Variants in APOL6 observed in about 807,000 individuals in gnomAD.
APOL6 encodes the protein apolipoprotein L, 6.
APOL6 carries 1 observed loss-of-function variant against 2.4 expected under a neutral mutation model. That is an observed-to-expected ratio of 0.41 (90% confidence interval 0.15 to 1.94). The LOEUF is 1.94. Ranked by LOEUF, APOL6 falls within the 30% of genes most tolerant of loss-of-function variation. The probability of loss-of-function intolerance (pLI) is 0.30; values close to 1 mark genes in which losing one functional copy is unlikely to be tolerated. For synonymous variants in APOL6, 189 were observed against 169.3 expected (o/e 1.12, Z -0.90); for missense variants, 438 against 429.2 (o/e 1.02, Z -0.18).
In APOL6 at chr22:35,665,192, AAG is replaced by A. The variant is rs1925142138; in HGVS notation, c.*5599_*5600del. On this transcript the variant is annotated 3_prime_UTR_variant, in exon 3 of 3. Coordinates refer to ENST00000409652, the MANE Select transcript of APOL6 (RefSeq NM_030641.4). The stretch of plus-strand genomic sequence containing the variant: ...TAAGTTTTGGTTTGCTTAGGGAAGA[AAG>A]AGCTAATTTTTAAAAAATCAAGGTT... 1.3e-5 allele frequency: 2 copies of A among 152,150 alleles called. No individual in the cohort carries two copies. Among genetic ancestry groups the A allele is most frequent in the East Asian group, 1.9e-4 (1 of 5,196 alleles). The allele number at this position is 152,150 out of a possible 1,614,324, so 9.4% of individuals were successfully genotyped here.
In APOL6 at chr22:35,659,290, C is replaced by A; in HGVS notation, c.726C>A (p.Ala242=). Residue 242 remains alanine (A), a synonymous_variant, in exon 3 of 3, where the codon GCC becomes GCA. Coordinates refer to ENST00000409652, the MANE Select transcript of APOL6 (RefSeq NM_030641.4). ...GCGTGCTGGGAGGTGTGATGTCCGCCTTCTCCCTTGGCTATGACTTGGCCA... is the reference window on the plus strand; with the variant it reads ...GCGTGCTGGGAGGTGTGATGTCCGCATTCTCCCTTGGCTATGACTTGGCCA... ...NARVLGGVMS[A]FSLGYDLATL... is the part of the protein sequence containing the mutation. 1 of 1,614,174 alleles carries A rather than the reference C, an allele frequency of 6.2e-7. No homozygotes were observed. Among genetic ancestry groups the A allele is most frequent in the South Asian group, 1.1e-5 (1 of 91,086 alleles).
At position 35,663,046 on chromosome 22, in the gene APOL6, C is replaced by T. The variant is rs918233213; in HGVS notation, c.*3450C>T. ...TTTTTATGGAGTTTCAGCTTTCTTC[C>T]AATGCACTTAGAGCACTCAGAAATT... On this transcript the variant is annotated 3_prime_UTR_variant, in exon 3 of 3. Transcript: ENST00000409652. The T allele has an allele frequency of 9.2e-5, 14 of 152,122 alleles. No homozygotes were observed. The East Asian group carries it at 1.7e-3, about 19-fold the overall frequency. The allele number at this position is 152,122 out of a possible 1,614,324, so 9.4% of individuals were successfully genotyped here. A position where few individuals can be genotyped will look rare whatever the true frequency, so the allele number is the denominator to read the frequency against.
intron 1 of APOL6, among the ~76,000 whole-genome samples, chr22:35,654,962 T>C (rs1924805005): frequency 6.6e-6 from 1 of 152,188 alleles, no homozygotes; most frequent in Non-Finnish European, 1.5e-5. Context: ...GGCCTGGAGA[T>C]GGTACCAGAG....
intron 1 of APOL6, among the ~76,000 whole-genome samples, chr22:35,652,657 A>C (rs1179189070): frequency 1.3e-5 from 2 of 152,062 alleles, no homozygotes; most frequent in East Asian, 3.9e-4. Flanking sequence ...ACAGGGAATC[A>C]TTTCCCCATT....
At chr22:35,657,762 T>A (rs1377617116) in intron 2 of APOL6, among the ~76,000 whole-genome samples, 1 of 152,172 alleles carries the variant, frequency 6.6e-6, no homozygotes, top group African/African-American at 2.4e-5. Context: ...CCTCCTCGGC[T>A]CACCCTGAAG....
chr22:35,653,539 A>G (rs1924755956), intron 1 of APOL6, among the ~76,000 whole-genome samples: 1 of 152,170 alleles, frequency 6.6e-6, no homozygotes, highest in African/African-American at 2.4e-5. Flanking sequence ...TGGGTTTGTC[A>G]TAGATAGCTC....
rs530734154 is a variant in APOL6, at chr22:35,663,730, A to T, written c.*4134A>T. The T allele has an allele frequency of 3.9e-5, 6 of 152,104 alleles. No individual in the cohort carries two copies. Among genetic ancestry groups the T allele is most frequent in the African/African-American group, 1.4e-4 (6 of 41,422 alleles). The allele number at this position is 152,104 out of a possible 1,614,324, so 9.4% of individuals were successfully genotyped here. ...TGTACCTTATCATGTAAATTTTGCTATTTGATTTTCACCTGGGTTGTTTCC... is the reference window on the plus strand; with the variant it reads ...TGTACCTTATCATGTAAATTTTGCTTTTTGATTTTCACCTGGGTTGTTTCC... On this transcript the variant is annotated 3_prime_UTR_variant, in exon 3 of 3. Transcript: ENST00000409652.
At position 35,659,278 on chromosome 22, in the gene APOL6, T is replaced by C. The variant is rs148322582; in HGVS notation, c.714T>C (p.Gly238=). 48 of 1,613,518 alleles carry C rather than the reference T, an allele frequency of 3.0e-5. No individual in the cohort carries two copies. Among genetic ancestry groups the C allele is most frequent in the Non-Finnish European group, 4.1e-5 (48 of 1,179,904 alleles). The part of the protein sequence containing the change: ...AMTKNARVLG[G]VMSAFSLGYD... Reference sequence around the variant, plus strand: ...CCAAAAATGCTCGCGTGCTGGGAGGTGTGATGTCCGCCTTCTCCCTTGGCT... The same window carrying C: ...CCAAAAATGCTCGCGTGCTGGGAGGCGTGATGTCCGCCTTCTCCCTTGGCT... The change falls in exon 3 of 3, where the codon GGT becomes GGC. Residue 238 remains glycine (G), a synonymous_variant. Transcript: ENST00000409652.
At position 35,662,654 on chromosome 22, in the gene APOL6, C is replaced by A. The variant is rs1016096175; in HGVS notation, c.*3058C>A. 3.6e-4 allele frequency: 55 copies of A among 152,236 alleles called. No homozygotes were observed. Among genetic ancestry groups the A allele is most frequent in the African/African-American group, 1.3e-3 (52 of 41,452 alleles). 9.4% of individuals were successfully genotyped at this position (152,236 alleles called of 1,614,324 possible). On this transcript the variant is annotated 3_prime_UTR_variant, in exon 3 of 3. Transcript: ENST00000409652. The stretch of plus-strand genomic sequence containing the variant: ...TCTTGGCCACATGTCATCAGGACTT[C>A]CTGAGTCTGTGTCACAGTGTGTCCT...
In APOL6 at chr22:35,658,702, T is replaced by A; in HGVS notation, c.138T>A (p.Phe46Leu). 1 of 1,614,122 alleles carries A rather than the reference T, an allele frequency of 6.2e-7. No individual in the cohort carries two copies. The highest frequency in any genetic ancestry group is 8.5e-7 in the Non-Finnish European group (1 of 1,180,026). Residue 46 changes from phenylalanine to leucine, a missense_variant, in exon 3 of 3, where the codon TTT becomes TTA. Physicochemically the swap from Phe to Leu is conservative, Grantham distance 22 (BLOSUM62 0). Coordinates refer to ENST00000409652, the MANE Select transcript of APOL6 (RefSeq NM_030641.4). The part of the protein sequence containing the change: ...SPEEKIFLRE[F>L]PRLKEDLKGN... Reference sequence around the variant, plus strand: ...AAGAAAAAATATTTTTGAGAGAATTTCCCAGATTGAAAGAAGATCTGAAAG... The same window carrying A: ...AAGAAAAAATATTTTTGAGAGAATTACCCAGATTGAAAGAAGATCTGAAAG...
chr22:35,656,234 C>T (rs985421797), intron 1 of APOL6, 145 bp from the exon 2 acceptor site: 7 of 634,266 alleles, frequency 1.1e-5, no homozygotes, highest in Non-Finnish European at 1.7e-5. Context: ...CCTCAACATA[C>T]AATTTTCAAA....
In APOL6 at chr22:35,667,871, T is replaced by C. The variant is rs1194821880; in HGVS notation, c.*8275T>C. The C allele has an allele frequency of 2.6e-5, 4 of 152,204 alleles. No homozygotes were observed. The allele number at this position is 152,204 out of a possible 1,614,324, so 9.4% of individuals were successfully genotyped here. A position where few individuals can be genotyped will look rare whatever the true frequency, so the allele number is the denominator to read the frequency against. On this transcript the variant is annotated 3_prime_UTR_variant, in exon 3 of 3. Coordinates refer to ENST00000409652, the MANE Select transcript of APOL6 (RefSeq NM_030641.4). ...AGGGAGCCATGGGGACTAAACAAAA[T>C]TCTGAGGCCCCCTCAACCATCTAAA...
At position 35,663,699 on chromosome 22, in the gene APOL6, C is replaced by T. The variant is rs1925094750; in HGVS notation, c.*4103C>T. The stretch of plus-strand genomic sequence containing the variant: ...CTCCCTCTAACACCACCAGACTTTT[C>T]CTCTCTGTACCTTATCATGTAAATT... On this transcript the variant is annotated 3_prime_UTR_variant, in exon 3 of 3. Transcript: ENST00000409652. 1 of 152,054 alleles carries T rather than the reference C, an allele frequency of 6.6e-6. No individual in the cohort carries two copies. Among genetic ancestry groups the T allele is most frequent in the Non-Finnish European group, 1.5e-5 (1 of 68,002 alleles). 9.4% of individuals were successfully genotyped at this position (152,054 alleles called of 1,614,324 possible).
In APOL6 at chr22:35,660,805, CCCTCATGACTCT is replaced by C. The variant is rs1925002573; in HGVS notation, c.*1210_*1221del. On this transcript the variant is annotated 3_prime_UTR_variant, in exon 3 of 3. Coordinates refer to ENST00000409652, the MANE Select transcript of APOL6 (RefSeq NM_030641.4). ...ACTAACTCTATGCCTAAAGGCAGGG[CCCTCATGACTCT>C]ATCACCTACCAAAAGGCTCCACTTC... 1.3e-5 allele frequency: 2 copies of C among 152,352 alleles called. No homozygotes were observed. The highest frequency in any genetic ancestry group is 3.9e-4 in the East Asian group (2 of 5,182). 9.4% of individuals were successfully genotyped at this position (152,352 alleles called of 1,614,324 possible). A position where few individuals can be genotyped will look rare whatever the true frequency, so the allele number is the denominator to read the frequency against.
At position 35,649,264 on chromosome 22, in the gene APOL6, C is replaced by T. The variant is rs544821376; in HGVS notation, c.-48+641C>T. On this transcript the variant is annotated intron_variant, in intron 1 of 2. Coordinates refer to ENST00000409652, the MANE Select transcript of APOL6 (RefSeq NM_030641.4). The stretch of plus-strand genomic sequence containing the variant: ...CAGCATGGGCAACATAGTGAGACCC[C>T]GTCTCTACAAAAAATCAAAAAATAG... Among the ~76,000 whole-genome samples the T allele has an allele frequency of 1.6e-3, 239 of 151,934 alleles. 1 individual carries two copies. The highest frequency in any genetic ancestry group is 3.4e-3 in the Middle Eastern group (1 of 294).
At chr22:35,649,653 A>G (rs1339761585) in intron 1 of APOL6, among the ~76,000 whole-genome samples, 1 of 152,020 alleles carries the variant, frequency 6.6e-6, no homozygotes, top group East Asian at 1.9e-4. Flanking sequence ...TCTCGCAACC[A>G]CCAAGAGCAG....
intron 1 of APOL6, among the ~76,000 whole-genome samples, chr22:35,656,036 T>A (rs968274871): frequency 1.3e-5 from 2 of 152,236 alleles, no homozygotes; most frequent in African/African-American, 4.8e-5. Flanking sequence ...GTCTTGCTTT[T>A]AGGCAAATAG....
intron 1 of APOL6, among the ~76,000 whole-genome samples, chr22:35,655,107 A>C (rs764058764): frequency 6.6e-6 from 1 of 152,126 alleles, no homozygotes; most frequent in Non-Finnish European, 1.5e-5. Flanking sequence ...AAAATTGTAT[A>C]GTTCTTTGTT....
intron 2 of APOL6, among the ~76,000 whole-genome samples, chr22:35,657,805 T>C (rs577397030): frequency 5.3e-5 from 8 of 152,216 alleles, no homozygotes; most frequent in African/African-American, 1.7e-4. Context: ...CATGAGAAAA[T>C]GCCCCAAGCA....
Sources: gnomAD v4.1 joint callset for allele counts (sites outside exome capture counted in the v4.1 genomes callset) on GRCh38, gnomAD v4.1.1 for gene constraint, MANE v1.5 for transcripts, NCBI Gene and HGNC (gene_info 2026-07-23, HGNC 2026-07-21) for gene names.